Variants in GLI3 observed in about 807,000 individuals in gnomAD.
GLI3 encodes the protein GLI family zinc finger 3.
GLI3 carries 20 observed loss-of-function variants against 100.8 expected under a neutral mutation model. The ratio of observed to expected loss-of-function variants is 0.20; its 90% confidence interval spans 0.14 to 0.29. The LOEUF (loss-of-function observed/expected upper bound fraction) is 0.29. GLI3 is among the 10% of genes least tolerant of loss of function. GLI3 has a pLI of 1.00. For synonymous variants in GLI3, 938 were observed against 860.5 expected (o/e 1.09, Z -1.58); for missense variants, 2,040 against 2,128.5 (o/e 0.96, Z 0.82).
intron 1 of GLI3, among the ~76,000 whole-genome samples, chr7:42,232,661 T>A (rs112388258): frequency 2.3e-4 from 35 of 152,378 alleles, no homozygotes; most frequent in African/African-American, 8.4e-4. Flanking sequence ...ATTTTCTTTT[T>A]TAATTATGAC....
At chr7:42,252,511 CTT>C (rs1194362139) in intron 1 of GLI3, among the ~76,000 whole-genome samples, 1 of 152,146 alleles carries the variant, frequency 6.6e-6, no homozygotes, top group Non-Finnish European at 1.5e-5. Context: ...AATGAACACA[CTT>C]AACATATAGT....
chr7:42,227,990 T>C (rs544933254), intron 1 of GLI3, among the ~76,000 whole-genome samples: 48 of 152,322 alleles, frequency 3.2e-4, no homozygotes, highest in African/African-American at 1.1e-3. Flanking sequence ...CTTCAGGTTC[T>C]GGTTTCCTCC....
At chr7:41,974,095 T>G (rs115421915) in intron 12 of GLI3, among the ~76,000 whole-genome samples, 1,918 of 152,242 alleles carry the variant, frequency 0.013, 38 homozygotes, top group African/African-American at 0.045. Flanking sequence ...GGCAGAGGTA[T>G]GGAGACCAGA....
intron 2 of GLI3, among the ~76,000 whole-genome samples, chr7:42,201,578 T>A (rs1318785435): frequency 6.6e-6 from 1 of 152,120 alleles, no homozygotes; most frequent in Admixed American, 6.5e-5. Context: ...GGGAAATGTG[T>A]CGTTAGGCAA....
intron 3 of GLI3, among the ~76,000 whole-genome samples, chr7:42,114,463 G>C (rs1785797753): frequency 6.6e-6 from 1 of 151,974 alleles, no homozygotes; most frequent in South Asian, 2.1e-4. Flanking sequence ...AAATACAGAA[G>C]TGCTTTCTCA....
At chr7:42,074,911 T>A (rs950623886) in intron 4 of GLI3, among the ~76,000 whole-genome samples, 1 of 152,106 alleles carries the variant, frequency 6.6e-6, no homozygotes, top group Non-Finnish European at 1.5e-5. Flanking sequence ...AAAGCCTGGC[T>A]AAAAAAGCAG....
intron 2 of GLI3, among the ~76,000 whole-genome samples, chr7:42,166,654 T>C (rs1404860792): frequency 7.6e-6 from 1 of 130,986 alleles, no homozygotes; most frequent in Non-Finnish European, 1.6e-5. Flanking sequence ...TGATTCCTTT[T>C]TTTTTTTTTT....
intron 6 of GLI3, among the ~76,000 whole-genome samples, chr7:42,044,150 A>G (rs1784197600): frequency 6.6e-6 from 1 of 152,222 alleles, no homozygotes; most frequent in Non-Finnish European, 1.5e-5. Context: ...GAGACTCAGG[A>G]CTAAATAACT....
chr7:42,182,709 C>CATATAAAT, intron 2 of GLI3, among the ~76,000 whole-genome samples: 1 of 76,614 alleles, frequency 1.3e-5, no homozygotes, highest in East Asian at 2.7e-4. Flanking sequence ...TATATACACA[C>CATATAAAT]ATATAAATAC....
intron 4 of GLI3, among the ~76,000 whole-genome samples, chr7:42,058,226 G>A (rs1286554367): frequency 6.6e-6 from 1 of 152,152 alleles, no homozygotes; most frequent in African/African-American, 2.4e-5. Context: ...TGTTAGGATA[G>A]TCAGGATAAT....
intron 2 of GLI3, among the ~76,000 whole-genome samples, chr7:42,208,131 C>T (rs910749466): frequency 1.3e-5 from 2 of 152,256 alleles, no homozygotes; most frequent in Admixed American, 1.3e-4. Flanking sequence ...TGCACTCCAG[C>T]CTAGGCGACA....
rs544897436 is a variant in GLI3, at chr7:42,110,309, G to A, written c.368-33452C>T. On this transcript the variant is annotated intron_variant, in intron 3 of 14. Transcript: ENST00000395925. ...CCAACTTTTCTAAAAATCCAGCATA[G>A]GATACCCAAATAAAGGTGCATCTCC... Among the ~76,000 whole-genome samples, 4 of 152,234 alleles carry A rather than the reference G, an allele frequency of 2.6e-5. No homozygotes were observed. In the East Asian group the frequency reaches 7.7e-4, roughly 29 times the overall value.
At chr7:42,205,237 T>C (rs1362453576) in intron 2 of GLI3, among the ~76,000 whole-genome samples, 1 of 152,206 alleles carries the variant, frequency 6.6e-6, no homozygotes, top group Non-Finnish European at 1.5e-5. Context: ...GACCACATCC[T>C]ACACATACCT....
At chr7:42,184,155 C>T (rs750805555) in intron 2 of GLI3, among the ~76,000 whole-genome samples, 20 of 152,190 alleles carry the variant, frequency 1.3e-4, no homozygotes, top group African/African-American at 4.1e-4. Context: ...TAGAACGCTC[C>T]CCTCTGCTCT....
intron 4 of GLI3, among the ~76,000 whole-genome samples, chr7:42,062,616 T>C (rs1784592002): frequency 6.6e-6 from 1 of 151,934 alleles, no homozygotes; most frequent in Admixed American, 6.6e-5. Context: ...ATTAACAACA[T>C]TTCTCCCATC....
intron 2 of GLI3, among the ~76,000 whole-genome samples, chr7:42,153,417 A>G (rs1786923714): frequency 6.6e-6 from 1 of 152,190 alleles, no homozygotes; most frequent in African/African-American, 2.4e-5. Context: ...TGGATATAAG[A>G]TAAGCATTCT....
intron 1 of GLI3, among the ~76,000 whole-genome samples, chr7:42,263,088 G>T (rs1010062053): frequency 1.3e-5 from 2 of 152,140 alleles, no homozygotes; most frequent in Non-Finnish European, 2.9e-5. Flanking sequence ...ACGTGCCATC[G>T]CCATGGTGAC....
At chr7:42,027,819 G>C (rs1179669799) in intron 7 of GLI3, among the ~76,000 whole-genome samples, 1 of 152,150 alleles carries the variant, frequency 6.6e-6, no homozygotes, top group African/African-American at 2.4e-5. Context: ...CAGAAACGTG[G>C]TGAAAACAGT....
At chr7:42,109,735 A>G (rs1273104305) in intron 3 of GLI3, among the ~76,000 whole-genome samples, 1 of 152,210 alleles carries the variant, frequency 6.6e-6, no homozygotes, top group Non-Finnish European at 1.5e-5. Flanking sequence ...AGAGACGCCT[A>G]CTGACAAAGA....
Sources: allele counts gnomAD v4.1 joint callset (sites outside exome capture counted in the v4.1 genomes callset), GRCh38; gene constraint gnomAD v4.1.1; transcripts MANE v1.5; gene names NCBI Gene and HGNC (gene_info 2026-07-23, HGNC 2026-07-21).